The following PCDHGC3 variants were observed in gnomAD, a reference collection of about 807,000 sequenced individuals.
PCDHGC3 encodes the protein protocadherin gamma-C3.
A neutral mutation model predicts 59.2 loss-of-function variants in PCDHGC3; 26 were observed. The ratio of observed to expected loss-of-function variants is 0.44; its 90% CI spans 0.32 to 0.61. The LOEUF (loss-of-function observed/expected upper bound fraction) is 0.61. Ranked by LOEUF, PCDHGC3 falls within the 20% of genes least tolerant of loss-of-function variation. The pLI is 0.05. For missense variants in PCDHGC3, 1,080 were observed against 1,221.8 expected, an observed-to-expected ratio of 0.88 and a Z score of 1.73; for synonymous variants, 487 against 519.7, an observed-to-expected ratio of 0.94 and a Z score of 0.86.
chr5:141,476,507 A>G lies in PCDHGC3; in HGVS notation c.391A>G (p.Asn131Asp). 1 of 1,614,102 alleles carries G rather than the reference A, an allele frequency of 6.2e-7. No individual in the cohort carries two copies. The highest frequency in any genetic ancestry group is 8.5e-7 in the Non-Finnish European group (1 of 1,180,008). The change falls in exon 1 of 4, where the codon AAC becomes GAC. Residue 131 changes from asparagine to aspartate, a missense_variant. Transcript: ENST00000308177. This position sits in a 1 kb window ranked among gnomAD's most constrained non-coding sequence, Gnocchi z 7.6. Reference sequence around the variant, plus strand: ...AGTGGTGATCCAGGACATCAACGACAACAATCCTGCTTTCCCTACCCAGGA... The same window carrying G: ...AGTGGTGATCCAGGACATCAACGACGACAATCCTGCTTTCCCTACCCAGGA... ...VEVVIQDIND[N>D]NPAFPTQEMK...
Position 141,486,274 on chromosome 5 carries a change from T to A in PCDHGC3, c.2430+7728T>A. On this transcript the variant is annotated intron_variant, in intron 1 of 3. Coordinates refer to ENST00000308177, the MANE Select transcript of PCDHGC3 (RefSeq NM_002588.4). The surrounding 1 kb of genome is among the most constrained non-coding windows in gnomAD (Gnocchi z 5.0). ...TCCCCGAGAGTGCAGAACCTGGCAC[T>A]GTGGTGGCACTTATCAGTGTGCAGG... is the stretch of plus-strand genomic sequence containing the variant. 5 of 1,614,064 alleles carry A rather than the reference T, an allele frequency of 3.1e-6. No homozygotes were observed. The highest frequency in any genetic ancestry group is 4.2e-6 in the Non-Finnish European group (5 of 1,179,998).
At chr5:141,488,207 TC>T (rs2099672969) in intron 1 of PCDHGC3, among the ~76,000 whole-genome samples, 1 of 152,216 alleles carries the variant, frequency 6.6e-6, no homozygotes, top group Non-Finnish European at 1.5e-5. Context: ...AGGACTCATA[TC>T]AAGTCCCTAC....
intron 2 of PCDHGC3, among the ~76,000 whole-genome samples, chr5:141,502,564 C>T (rs2099815067): frequency 1.3e-5 from 2 of 151,774 alleles, no homozygotes; most frequent in East Asian, 1.9e-4. Context: ...CCAGATCTCT[C>T]CATTATAAAA....
chr5:141,498,065 G>C (rs1197771947), intron 2 of PCDHGC3, among the ~76,000 whole-genome samples: 1 of 152,220 alleles, frequency 6.6e-6, no homozygotes, highest in Non-Finnish European at 1.5e-5. Context: ...GACTGAAACT[G>C]TCATAAGTGC....
chr5:141,488,518 G>A lies in PCDHGC3; in HGVS notation c.2431-6289G>A, dbSNP rs2233597. On this transcript the variant is annotated intron_variant, in intron 1 of 3. Coordinates refer to ENST00000308177, the MANE Select transcript of PCDHGC3 (RefSeq NM_002588.4). Reference sequence around the variant, plus strand: ...CACTCATTCCACATTTGGGGTCTGGGGTGTCAGAAAAGCTAAGTCCCATGT... The same window carrying A: ...CACTCATTCCACATTTGGGGTCTGGAGTGTCAGAAAAGCTAAGTCCCATGT... Among the ~76,000 whole-genome samples the A allele has an allele frequency of 5.8e-3, 879 of 152,218 alleles. 4 individuals are homozygous for A. The highest frequency in any genetic ancestry group is 0.021 in the African/African-American group (853 of 41,520).
intron 3 of PCDHGC3, among the ~76,000 whole-genome samples, chr5:141,506,444 C>CA (rs1219684339): frequency 0.017 from 1,570 of 94,842 alleles, 20 homozygotes; most frequent in African/African-American, 0.048. Flanking sequence ...CGCTCTGTCT[C>CA]AAAAAAAAAA....
chr5:141,489,467 C>G lies in PCDHGC3; in HGVS notation c.2431-5340C>G. 1 of 1,614,076 alleles carries G rather than the reference C, an allele frequency of 6.2e-7. No individual in the cohort carries two copies. The highest frequency in any genetic ancestry group is 8.5e-7 in the Non-Finnish European group (1 of 1,180,026). Reference sequence around the variant, plus strand: ...TCTGAGGAGAATGGGCGCTATTTTTCCCTGAGCTTGATGAGTGGTGCCCTG... The same window carrying G: ...TCTGAGGAGAATGGGCGCTATTTTTGCCTGAGCTTGATGAGTGGTGCCCTG... On this transcript the variant is annotated intron_variant, in intron 1 of 3. Transcript: ENST00000308177. The surrounding 1 kb of genome is among the most constrained non-coding windows in gnomAD (Gnocchi z 4.5).
intron 1 of PCDHGC3, among the ~76,000 whole-genome samples, chr5:141,483,373 G>A (rs1410856257): frequency 6.6e-6 from 1 of 152,166 alleles, no homozygotes; most frequent in Admixed American, 6.5e-5. Flanking sequence ...TGCAATATTT[G>A]AAGAGAAGAT....
In PCDHGC3 at chr5:141,489,449, A is replaced by G; in HGVS notation, c.2431-5358A>G. The G allele has an allele frequency of 6.2e-7, 1 of 1,614,056 alleles. No homozygotes were observed. Among genetic ancestry groups the G allele is most frequent in the Non-Finnish European group, 8.5e-7 (1 of 1,180,016 alleles). On this transcript the variant is annotated intron_variant, in intron 1 of 3. Coordinates refer to ENST00000308177, the MANE Select transcript of PCDHGC3 (RefSeq NM_002588.4). This position sits in a 1 kb window ranked among gnomAD's most constrained non-coding sequence, Gnocchi z 4.5. ...CGGCGGCTGCAATTGGGCTCTGAGG[A>G]GAATGGGCGCTATTTTTCCCTGAGC...
chr5:141,490,933 C>T lies in PCDHGC3; in HGVS notation c.2431-3874C>T, dbSNP rs781291690. ...CGAGAATGATAATGCCCCAGCTGTG[C>T]TGCACCCACGGCCAGACTGGGAACA... On this transcript the variant is annotated intron_variant, in intron 1 of 3. Transcript: ENST00000308177. The surrounding 1 kb of genome is among the most constrained non-coding windows in gnomAD (Gnocchi z 5.4). 5.0e-6 allele frequency: 8 copies of T among 1,613,702 alleles called. No individual in the cohort carries two copies. The highest frequency in any genetic ancestry group is 5.9e-6 in the Non-Finnish European group (7 of 1,179,770).
chr5:141,507,023 C>T (rs971356315), intron 3 of PCDHGC3: 16 of 152,348 alleles, frequency 1.1e-4, no homozygotes, highest in African/African-American at 2.4e-4. Flanking sequence ...AAGGCACTTG[C>T]CCCAGGGTCC....
chr5:141,485,805 T>C lies in PCDHGC3; in HGVS notation c.2430+7259T>C, dbSNP rs753916789. ...GAGAAGCAATCGGACTACCGCCTGG[T>C]GCTGACTGCTGTCGATGGAGGGAAC... On this transcript the variant is annotated intron_variant, in intron 1 of 3. Coordinates refer to ENST00000308177, the MANE Select transcript of PCDHGC3 (RefSeq NM_002588.4). The surrounding 1 kb of genome is among the most constrained non-coding windows in gnomAD (Gnocchi z 5.7). 1.2e-6 allele frequency: 2 copies of C among 1,614,198 alleles called. No individual in the cohort carries two copies. The highest frequency in any genetic ancestry group is 1.7e-6 in the Non-Finnish European group (2 of 1,180,026).
Position 141,491,895 on chromosome 5 carries a change from A to G in PCDHGC3, c.2431-2912A>G. On this transcript the variant is annotated intron_variant, in intron 1 of 3. Transcript: ENST00000308177. This position sits in a 1 kb window ranked among gnomAD's most constrained non-coding sequence, Gnocchi z 6.9. Reference sequence around the variant, plus strand: ...CCGATTAAGGGATGGGGCTCCGAGCACCGGGGGTGGTGGCGACTGTGGGCG... The same window carrying G: ...CCGATTAAGGGATGGGGCTCCGAGCGCCGGGGGTGGTGGCGACTGTGGGCG... 7.0e-7 allele frequency: 1 copy of G among 1,434,306 alleles called. No homozygotes were observed. The highest frequency in any genetic ancestry group is 9.2e-7 in the Non-Finnish European group (1 of 1,084,904). 88.8% of individuals were successfully genotyped at this position (1,434,306 alleles called of 1,614,324 possible). A position where few individuals can be genotyped will look rare whatever the true frequency, so the allele number is the denominator to read the frequency against.
intron 1 of PCDHGC3, among the ~76,000 whole-genome samples, chr5:141,482,314 A>G (rs1279804501): frequency 6.6e-6 from 1 of 152,180 alleles, no homozygotes; most frequent in Admixed American, 6.5e-5. Flanking sequence ...TTCCTCATCT[A>G]TAAAATAAAG....
At position 141,487,074 on chromosome 5, in the gene PCDHGC3, T is replaced by C; in HGVS notation, c.2431-7733T>C. The C allele has an allele frequency of 6.2e-7, 1 of 1,614,104 alleles. No homozygotes were observed. The highest frequency in any genetic ancestry group is 8.5e-7 in the Non-Finnish European group (1 of 1,179,978). Reference sequence around the variant, plus strand: ...GGGGAGGTGCGGACGGCTGTTCCTATCCCAGCTGACCTCCCACCACAGAAG... The same window carrying C: ...GGGGAGGTGCGGACGGCTGTTCCTACCCCAGCTGACCTCCCACCACAGAAG... On this transcript the variant is annotated intron_variant, in intron 1 of 3. Transcript: ENST00000308177. The surrounding 1 kb of genome is among the most constrained non-coding windows in gnomAD (Gnocchi z 5.0).
intron 2 of PCDHGC3, among the ~76,000 whole-genome samples, chr5:141,501,942 C>T (rs1012840550): frequency 2.6e-5 from 4 of 152,136 alleles, no homozygotes; most frequent in Non-Finnish European, 4.4e-5. Context: ...CACCACTGCT[C>T]CCTGTGACAG....
chr5:141,478,901 A>T (rs2099483520), intron 1 of PCDHGC3: 2 of 1,002,034 alleles, frequency 2.0e-6, no homozygotes, highest in African/African-American at 3.3e-5. Flanking sequence ...ATTAGGAATA[A>T]GCTGCTGGAT....
rs115808055 is a variant in PCDHGC3 at position 141,476,782 on chromosome 5, A to G, written c.666A>G (p.Pro222=). The part of the protein sequence containing the change: ...LVLTALDGGT[P]ALSASLPIHI... Reference sequence around the variant, plus strand: ...TGACGGCGTTGGACGGAGGGACCCCAGCTCTCTCCGCCAGCCTGCCTATTC... The same window carrying G: ...TGACGGCGTTGGACGGAGGGACCCCGGCTCTCTCCGCCAGCCTGCCTATTC... Residue 222 remains proline, a synonymous_variant, in exon 1 of 4, where the codon CCA becomes CCG. Transcript: ENST00000308177. This position sits in a 1 kb window ranked among gnomAD's most constrained non-coding sequence, Gnocchi z 7.6. 18,517 of 1,613,566 alleles carry G rather than the reference A, an allele frequency of 0.011. 139 individuals are homozygous for G. Among genetic ancestry groups the G allele is most frequent in the Non-Finnish European group, 0.014 (16,976 of 1,179,996 alleles).
At chr5:141,482,366 AT>A (rs1425349819) in intron 1 of PCDHGC3, among the ~76,000 whole-genome samples, 1 of 152,150 alleles carries the variant, frequency 6.6e-6, no homozygotes, top group Non-Finnish European at 1.5e-5. Flanking sequence ...GTGAAAAGTA[AT>A]GCATATAAAG....
Sources: gnomAD v4.1 joint callset for allele counts (sites outside exome capture counted in the v4.1 genomes callset) on GRCh38, gnomAD v4.1.1 for gene constraint, Gnocchi (gnomAD v3.1) non-coding constraint, MANE v1.5 for transcripts, NCBI Gene and HGNC (gene_info 2026-07-23, HGNC 2026-07-21) for gene names.